Variants in MDC1 observed in about 807,000 individuals in gnomAD.
The protein encoded by MDC1 is mediator of DNA damage checkpoint 1.
Under a neutral mutation model 142.5 loss-of-function variants are expected in MDC1, and 81 were observed. The ratio of observed to expected loss-of-function variants is 0.57; its 90% CI spans 0.47 to 0.68. The LOEUF is 0.68. Among genes scored for constraint, MDC1 ranks in the 30% least tolerant of loss-of-function variants. The probability of loss-of-function intolerance (pLI) is 0.00; values close to 1 mark genes in which losing one functional copy is unlikely to be tolerated. For synonymous variants in MDC1, 797 were observed against 968.4 expected (o/e 0.82, Z 3.29); for missense variants, 2,119 against 2,547.9 (o/e 0.83, Z 3.62).
In MDC1 at chr6:30,706,116, CAAGT is replaced by C. The variant is rs747462778; in HGVS notation, c.3085-22_3085-19del. 1 of 1,536,292 alleles carries C rather than the reference CAAGT, an allele frequency of 6.5e-7. No individual in the cohort carries two copies. The highest frequency in any genetic ancestry group is 8.7e-7 in the Non-Finnish European group (1 of 1,149,722). On this transcript the variant is annotated intron_variant, in intron 9 of 14. Coordinates refer to ENST00000376406, the MANE Select transcript of MDC1 (RefSeq NM_014641.3). ...TGATCGCCCTAGGGAGAAACAGAAG[CAAGT>C]GAGGGGGAGGAGGTGGAGAAAAGAG...
chr6:30,714,449 A>G (rs1347521907), intron 2 of MDC1, among the ~76,000 whole-genome samples: 1 of 152,152 alleles, frequency 6.6e-6, no homozygotes, highest in Non-Finnish European at 1.5e-5. Flanking sequence ...CATTAAGTGC[A>G]TTCACACTGT....
chr6:30,714,256 G>T (rs780707462), intron 2 of MDC1, 73 bp from the exon 3 acceptor site: 1 of 1,466,848 alleles, frequency 6.8e-7, no homozygotes. Flanking sequence ...TGCCTATTAG[G>T]TACTCTACTA....
At position 30,709,508 on chromosome 6, in the gene MDC1, C is replaced by A. The variant is rs1774492563; in HGVS notation, c.2222-1151G>T. Among the ~76,000 whole-genome samples, 2 of 152,196 alleles carry A rather than the reference C, an allele frequency of 1.3e-5. No homozygotes were observed. The highest frequency in any genetic ancestry group is 4.8e-5 in the African/African-American group (2 of 41,440). On this transcript the variant is annotated intron_variant, in intron 7 of 14. Coordinates refer to ENST00000376406, the MANE Select transcript of MDC1 (RefSeq NM_014641.3). This position sits in a 1 kb window ranked among gnomAD's most constrained non-coding sequence, Gnocchi z 4.2. ...CCACTATCTCAAACATTTATCATTT[C>A]TTTGTCTTGGAAACATATCAAATCT...
Position 30,700,286 on chromosome 6 carries a change from A to C in MDC1, c.*179T>G. On this transcript the variant is annotated 3_prime_UTR_variant, in exon 15 of 15. Transcript: ENST00000376406. ...CATTAAAAAAACAAACAAACAAACA[A>C]AAAACAACCTGTGGCTTCCAAATCC... 2 of 560,102 alleles carry C rather than the reference A, an allele frequency of 3.6e-6. No homozygotes were observed. The highest frequency in any genetic ancestry group is 2.9e-6 in the Non-Finnish European group (1 of 348,294). The allele number at this position is 560,102 out of a possible 1,614,324, so 34.7% of individuals were successfully genotyped here. A position where few individuals can be genotyped will look rare whatever the true frequency, so the allele number is the denominator to read the frequency against.
At position 30,711,440 on chromosome 6, in the gene MDC1, G is replaced by C. The variant is rs748394799; in HGVS notation, c.2193C>G (p.Gly731=). 8 of 1,612,966 alleles carry C rather than the reference G, an allele frequency of 5.0e-6. No homozygotes were observed. The African/African-American group carries it at 1.1e-4, about 22-fold the overall frequency. Reference sequence around the variant, plus strand: ...TTGTCTGGAAGCTGCAATGGGAAGGGCCAAGCTCTTGGGGTGGAGTCAACA... The same window carrying C: ...TTGTCTGGAAGCTGCAATGGGAAGGCCCAAGCTCTTGGGGTGGAGTCAACA... ...AFMLTPPQEL[G]PSHCSFQTTG... The change falls in exon 7 of 15, where the codon GGC becomes GGG. Residue 731 remains glycine, a synonymous_variant. Transcript: ENST00000376406.
intron 14 of MDC1, among the ~76,000 whole-genome samples, chr6:30,700,922 AATT>A (rs1478217951): frequency 6.7e-6 from 1 of 149,006 alleles, no homozygotes; most frequent in African/African-American, 2.5e-5. Context: ...AAAAAAAAAA[AATT>A]AGCCGGGCGC....
Position 30,712,426 on chromosome 6 carries a change from G to C in MDC1, c.1516C>G (p.Pro506Ala). 1.2e-6 allele frequency: 2 copies of C among 1,613,018 alleles called. No homozygotes were observed. The highest frequency in any genetic ancestry group is 1.7e-6 in the Non-Finnish European group (2 of 1,179,988). Residue 506 changes from proline (P) to alanine (A), a missense_variant, in exon 5 of 15, where the codon CCT (proline) becomes GCT (alanine). Transcript: ENST00000376406. The surrounding 1 kb of genome is among the most constrained non-coding windows in gnomAD (Gnocchi z 4.7). Reference protein sequence around the residue: ...DDSVEADKSSPGIHLERSQAS... With the variant: ...DDSVEADKSSAGIHLERSQAS... ...TGGCTTCTCTCCAGGTGGATCCCAG[G>C]TGAGCTCTTATCTGCTTCCACACTG...
Position 30,715,022 on chromosome 6 carries a change from C to T in MDC1, c.136+18G>A. 1 of 1,613,328 alleles carries T rather than the reference C, an allele frequency of 6.2e-7. No individual in the cohort carries two copies. The highest frequency in any genetic ancestry group is 8.5e-7 in the Non-Finnish European group (1 of 1,179,410). On this transcript the variant is annotated intron_variant, in intron 2 of 14. Coordinates refer to ENST00000376406, the MANE Select transcript of MDC1 (RefSeq NM_014641.3). This position sits in a 1 kb window ranked among gnomAD's most constrained non-coding sequence, Gnocchi z 4.1. ...TAAAAGATCTATATCAATACTTGAA[C>T]ATCCAATACCCTCTGACCTTTTTCT... is the stretch of plus-strand genomic sequence containing the variant.
rs763863899 is a variant in MDC1 at position 30,705,778 on chromosome 6, C to T, written c.3405G>A (p.Gln1135=). ...GAGATGTGGGCTTGGGAGTGACTGG[C>T]TGGGCTGTGGAGGTGGAAGGGTGGG... ...PEPHPSTSTA[Q]PVTPKPTSQA... Residue 1135 remains glutamine, a synonymous_variant, in exon 10 of 15, where the codon CAG becomes CAA. Transcript: ENST00000376406. The T allele has an allele frequency of 1.1e-5, 17 of 1,612,572 alleles. No homozygotes were observed. Among genetic ancestry groups the T allele is most frequent in the Non-Finnish European group, 1.4e-5 (17 of 1,179,284 alleles).
chr6:30,715,190 A>G lies in MDC1; in HGVS notation c.-3-12T>C. 1 of 1,614,128 alleles carries G rather than the reference A, an allele frequency of 6.2e-7. No individual in the cohort carries two copies. The highest frequency in any genetic ancestry group is 1.1e-5 in the South Asian group (1 of 91,084). ...GTGTCCTCCATGATCTGGGAAGGATACACATTATCAATTATCCTCATTATT... is the reference window on the plus strand; with the variant it reads ...GTGTCCTCCATGATCTGGGAAGGATGCACATTATCAATTATCCTCATTATT... On this transcript the variant is annotated splice_polypyrimidine_tract_variant and intron_variant, in intron 1 of 14. Coordinates refer to ENST00000376406, the MANE Select transcript of MDC1 (RefSeq NM_014641.3). The surrounding 1 kb of genome is among the most constrained non-coding windows in gnomAD (Gnocchi z 4.1).
chr6:30,710,358 G>T (rs1267298288), intron 7 of MDC1, among the ~76,000 whole-genome samples: 1 of 152,068 alleles, frequency 6.6e-6, no homozygotes, highest in Non-Finnish European at 1.5e-5. Flanking sequence ...CAAAGTGCTG[G>T]GATTACAGGC....
At chr6:30,708,811 GAT>G (rs1484075328) in intron 7 of MDC1, among the ~76,000 whole-genome samples, 1 of 132,054 alleles carries the variant, frequency 7.6e-6, no homozygotes, top group Non-Finnish European at 1.5e-5. Flanking sequence ...AGTGAGCTGT[GAT>G]CATACCACTG....
chr6:30,712,071 C>T lies in MDC1; in HGVS notation c.1871G>A (p.Gly624Glu). 1 of 1,590,758 alleles carries T rather than the reference C, an allele frequency of 6.3e-7. No individual in the cohort carries two copies. Among genetic ancestry groups the T allele is most frequent in the Non-Finnish European group, 8.6e-7 (1 of 1,168,852 alleles). ...VLKQERAHEV[G>E]AQGGPPVAQV... is the part of the protein sequence containing the mutation. ...TGCCACAGGTGGCCCACCCTGGGCC[C>T]CCACCTCATGAGCTCTCTCCTGCTT... The change falls in exon 5 of 15, where the codon GGG becomes GAG. Residue 624 changes from glycine to glutamate, a missense_variant. Transcript: ENST00000376406. The surrounding 1 kb of genome is among the most constrained non-coding windows in gnomAD (Gnocchi z 4.7).
In MDC1 at chr6:30,707,639, G is replaced by A. The variant is rs141493351; in HGVS notation, c.2940C>T (p.Thr980=). The change falls in exon 8 of 15, where the codon ACC becomes ACT. Residue 980 remains threonine, a synonymous_variant. Coordinates refer to ENST00000376406, the MANE Select transcript of MDC1 (RefSeq NM_014641.3). ...GVGAGDLPGP[T]SAPVPSGSQS... is the part of the protein sequence containing the mutation. ...GGCTCCCAGAAGGTACGGGGGCTGA[G>A]GTAGGTCCCGGAAGGTCCCCCGCCC... 1 of 1,613,084 alleles carries A rather than the reference G, an allele frequency of 6.2e-7. No homozygotes were observed. Among genetic ancestry groups the A allele is most frequent in the East Asian group, 2.2e-5 (1 of 44,872 alleles).
At position 30,707,398 on chromosome 6, in the gene MDC1, C is replaced by T; in HGVS notation, c.3070G>A (p.Glu1024Lys). ...AEKASRIRAA[E>K]KVSRGDQESP... Reference sequence around the variant, plus strand: ...GTAGCTCTCACCCTGGAAACCTTCTCAGCAGCTCTGATCCTGGAAGCCTTC... The same window carrying T: ...GTAGCTCTCACCCTGGAAACCTTCTTAGCAGCTCTGATCCTGGAAGCCTTC... Residue 1024 changes from glutamate (E) to lysine (K), a missense_variant, in exon 9 of 15, where the codon GAG becomes AAG. By Grantham distance (56) the Glu-to-Lys change is moderately conservative. Transcript: ENST00000376406. 1 of 1,613,100 alleles carries T rather than the reference C, an allele frequency of 6.2e-7. No individual in the cohort carries two copies. Among genetic ancestry groups the T allele is most frequent in the Non-Finnish European group, 8.5e-7 (1 of 1,180,036 alleles).
chr6:30,708,367 G>A lies in MDC1; in HGVS notation c.2222-10C>T. ...GGTTCATCTAGGGTACCTGGAAGGG[G>A]AGGAAGGAAGAGAGAGAGAGGGAGA... On this transcript the variant is annotated splice_polypyrimidine_tract_variant and intron_variant, in intron 7 of 14. Transcript: ENST00000376406. 1 of 1,601,606 alleles carries A rather than the reference G, an allele frequency of 6.2e-7. No homozygotes were observed. The highest frequency in any genetic ancestry group is 1.1e-5 in the South Asian group (1 of 90,914).
In MDC1 at chr6:30,711,930, C is replaced by A; in HGVS notation, c.2012G>T (p.Gly671Val). Reference sequence around the variant, plus strand: ...ACCCACATGTTGTTCTCTCTCCCTTCCTGTGGGGACCTGGGCTCCCTCTCT... The same window carrying A: ...ACCCACATGTTGTTCTCTCTCCCTTACTGTGGGGACCTGGGCTCCCTCTCT... ...PQREGAQVPT[G>V]REREQHVGGT... Residue 671 changes from glycine to valine, a missense_variant, in exon 5 of 15, where the codon GGA becomes GTA. Physicochemically the swap from Gly to Val is moderately radical, Grantham distance 109. Transcript: ENST00000376406. 1 of 1,547,312 alleles carries A rather than the reference C, an allele frequency of 6.5e-7. No homozygotes were observed. Among genetic ancestry groups the A allele is most frequent in the Non-Finnish European group, 8.7e-7 (1 of 1,149,634 alleles).
rs754952210 is a variant in MDC1 at position 30,703,376 on chromosome 6, T to C, written c.5682+42A>G. On this transcript the variant is annotated intron_variant, in intron 11 of 14. Coordinates refer to ENST00000376406, the MANE Select transcript of MDC1 (RefSeq NM_014641.3). This position sits in a 1 kb window ranked among gnomAD's most constrained non-coding sequence, Gnocchi z 4.4. Reference sequence around the variant, plus strand: ...CTCTAGGTCTCCTTGCATCCTCCCCTCATCTCTGTCTCCCACAAAGTCCCA... The same window carrying C: ...CTCTAGGTCTCCTTGCATCCTCCCCCCATCTCTGTCTCCCACAAAGTCCCA... The C allele has an allele frequency of 3.7e-6, 6 of 1,613,300 alleles. No individual in the cohort carries two copies. Among genetic ancestry groups the C allele is most frequent in the Non-Finnish European group, 4.2e-6 (5 of 1,180,014 alleles).
In MDC1 at chr6:30,707,680, G is replaced by T. The variant is rs1474153687; in HGVS notation, c.2899C>A (p.Pro967Thr). 1 of 1,613,040 alleles carries T rather than the reference G, an allele frequency of 6.2e-7. No homozygotes were observed. Among genetic ancestry groups the T allele is most frequent in the Admixed American group, 1.7e-5 (1 of 60,016 alleles). The change falls in exon 8 of 15, where the codon CCA becomes ACA. Residue 967 changes from proline to threonine, a missense_variant. Physicochemically the swap from Pro to Thr is conservative, Grantham distance 38. Transcript: ENST00000376406. ...TCCCCCGCCCCCACCCCAGGCTCTG[G>T]TGTTGGGCTGGAGGCCTGCCCTTTC... ...DQKGQASSPTPEPGVGAGDLP... is the reference protein window; with the variant it reads ...DQKGQASSPTTEPGVGAGDLP...
Sources: gnomAD v4.1 joint callset for allele counts (sites outside exome capture counted in the v4.1 genomes callset) on GRCh38, gnomAD v4.1.1 for gene constraint, Gnocchi (gnomAD v3.1) non-coding constraint, MANE v1.5 for transcripts, NCBI Gene and HGNC (gene_info 2026-07-23, HGNC 2026-07-21) for gene names.